The following NBPF9 variants were observed in gnomAD, a reference collection of about 807,000 sequenced individuals.
NBPF9 encodes NBPF family member NBPF9.
Under a neutral mutation model 97.8 loss-of-function variants are expected in NBPF9, and 91 were observed. That is an observed-to-expected ratio of 0.93 (90% confidence interval 0.79 to 1.11). The LOEUF (loss-of-function observed/expected upper bound fraction) is 1.11, where lower values mean the gene tolerates loss of function less well. Among genes scored for constraint, NBPF9 ranks in the 50% least tolerant of loss-of-function variants. The pLI is 0.00. For synonymous variants in NBPF9, 334 were observed against 359.5 expected (o/e 0.93, Z 0.80); for missense variants, 992 against 939.5 (o/e 1.06, Z -0.73).
At chr1:149,079,119 G>A (rs782297074) in exon 9 of NBPF9, 1 of 1,265,986 alleles carries the variant, frequency 7.9e-7, no homozygotes, top group Admixed American at 1.7e-5. Flanking sequence ...GGAGGGCCTG[G>A]AGATGCTCAT....
At chr1:149,076,006 A>C in intron 11 of NBPF9, 142 bp from the exon 12 acceptor site, 2 of 740,012 alleles carry the variant, frequency 2.7e-6, no homozygotes, top group Non-Finnish European at 4.8e-6. Context: ...TGTCATCTCC[A>C]GTCTTGATCT....
chr1:149,074,348 T>A (rs587685372), intron 12 of NBPF9, among the ~76,000 whole-genome samples: 20 of 151,626 alleles, frequency 1.3e-4, no homozygotes, highest in Admixed American at 1.1e-3. Flanking sequence ...TTAAATCATA[T>A]CTTCAGTTAT....
rs2078468715 is a variant in NBPF9 at position 149,059,584 on chromosome 1, G to A, written c.2585+116C>T. ...GCAATGAAAACCAACAGCAATGACAGTAGGAGTAATTCAGCCTTCGTTGAA... is the reference window on the plus strand; with the variant it reads ...GCAATGAAAACCAACAGCAATGACAATAGGAGTAATTCAGCCTTCGTTGAA... On this transcript the variant is annotated intron_variant, in intron 25 of 29. Coordinates refer to ENST00000584027, the Ensembl canonical transcript of NBPF9. The A allele has an allele frequency of 1.0e-5, 5 of 495,400 alleles. 2 individuals carry two copies. The highest frequency in any genetic ancestry group is 6.9e-5 in the South Asian group (3 of 43,272). The allele number at this position is 495,400 out of a possible 1,614,324, so 30.7% of individuals were successfully genotyped here. A position where few individuals can be genotyped will look rare whatever the true frequency, so the allele number is the denominator to read the frequency against.
chr1:149,101,383 G>A lies in NBPF9; in HGVS notation c.-723-4C>T, dbSNP rs1203116322. ...AGCCTGGGCAACAGAGTGAGATCTT[G>A]TCTCAAAAAGAAAAAAAAAAGTTAG... On this transcript the variant is annotated splice_polypyrimidine_tract_variant and splice_region_variant and intron_variant, in intron 2 of 29. Coordinates refer to ENST00000584027, the Ensembl canonical transcript of NBPF9. 7.0e-6 allele frequency: 1 copy of A among 142,338 alleles called. No individual in the cohort carries two copies. Among genetic ancestry groups the A allele is most frequent in the Non-Finnish European group, 1.5e-5 (1 of 65,708 alleles). The allele number at this position is 142,338 out of a possible 1,614,324, so 8.8% of individuals were successfully genotyped here. A position where few individuals can be genotyped will look rare whatever the true frequency, so the allele number is the denominator to read the frequency against.
At chr1:149,055,306 G>C (rs1490881866) in exon 30 of NBPF9, 1 of 437,022 alleles carries the variant, frequency 2.3e-6, no homozygotes, top group Non-Finnish European at 4.1e-6. Flanking sequence ...TAAACACAAA[G>C]ATGACAATGA....
intron 3 of NBPF9, among the ~76,000 whole-genome samples, chr1:149,101,035 G>C (rs1215466609): frequency 6.6e-6 from 1 of 150,946 alleles, no homozygotes; most frequent in Non-Finnish European, 1.5e-5. Flanking sequence ...TTCTTAAACA[G>C]GACACAAAAA....
intron 23 of NBPF9, chr1:149,061,088 G>T: frequency 2.4e-6 from 1 of 421,394 alleles, no homozygotes; most frequent in Non-Finnish European, 4.4e-6. Flanking sequence ...AAATTTCCAT[G>T]CAGTCGCCAT....
At chr1:149,058,281 G>C (rs1327530970) in intron 26 of NBPF9, 66 bp from the exon 27 acceptor site, 1 of 337,738 alleles carries the variant, frequency 3.0e-6, no homozygotes, top group South Asian at 2.3e-5. Context: ...ACAGTCCACT[G>C]TCTAATCCCC....
rs1281221493 is a variant in NBPF9, at chr1:149,084,225, A to C, written c.-194-1795T>G. ...AAATGACGAGTTAATGGGTGCAGCA[A>C]ACCAACATGGCACACGTATATATAT... On this transcript the variant is annotated intron_variant, in intron 5 of 29. Transcript: ENST00000584027. 1.8e-3 allele frequency among the ~76,000 whole-genome samples: 264 copies of C among 145,516 alleles called. 2 individuals carry two copies. The highest frequency in any genetic ancestry group is 6.3e-3 in the African/African-American group (252 of 39,690).
intron 5 of NBPF9, among the ~76,000 whole-genome samples, chr1:149,087,047 C>T (rs1261168532): frequency 2.0e-5 from 3 of 151,916 alleles, no homozygotes; most frequent in African/African-American, 7.3e-5. Context: ...CTATTTTCAG[C>T]CTTTTTAATT....
At chr1:149,073,014 C>G (rs1400904918) in intron 13 of NBPF9, 82 bp from the exon 14 acceptor site, 13 of 1,502,606 alleles carry the variant, frequency 8.7e-6, no homozygotes, top group South Asian at 6.7e-5. Context: ...ATTTCTGAAA[C>G]AGTGTCCTCA....
chr1:149,072,891 G>C, exon 14 of NBPF9: 2 of 1,607,034 alleles, frequency 1.2e-6, no homozygotes, highest in Non-Finnish European at 1.7e-6. Context: ...CCTTAACTGG[G>C]TCAGCTCTCG....
intron 5 of NBPF9, among the ~76,000 whole-genome samples, chr1:149,085,400 G>C (rs1490094689): frequency 1.3e-5 from 2 of 152,100 alleles, no homozygotes; most frequent in Non-Finnish European, 2.9e-5. Context: ...AGCAGAGTAA[G>C]TCCTCCAACT....
chr1:149,085,391 G>T (rs2938639), intron 5 of NBPF9, among the ~76,000 whole-genome samples: 1 of 152,088 alleles, frequency 6.6e-6, no homozygotes, highest in African/African-American at 2.4e-5. Flanking sequence ...TTGAAATCTA[G>T]CAGAGTAAGT....
At chr1:149,081,458 A>G (rs2080433391) in intron 7 of NBPF9, among the ~76,000 whole-genome samples, 1 of 150,336 alleles carries the variant, frequency 6.7e-6, no homozygotes, top group African/African-American at 2.4e-5. Context: ...TAGGTAGCAC[A>G]GGTTCTATTA....
chr1:149,062,322 C>A lies in NBPF9; in HGVS notation c.2079-57G>T, dbSNP rs587671778. ...CAGGGGGAATCAGAAACCACACAGCCCCAGCTAGATTTCATGGCTAACATA... is the reference window on the plus strand; with the variant it reads ...CAGGGGGAATCAGAAACCACACAGCACCAGCTAGATTTCATGGCTAACATA... On this transcript the variant is annotated intron_variant, in intron 21 of 29. Transcript: ENST00000584027. 10 of 620,358 alleles carry A rather than the reference C, an allele frequency of 1.6e-5. No homozygotes were observed. The East Asian group carries it at 2.7e-4, about 17-fold the overall frequency. 38.4% of individuals were successfully genotyped at this position (620,358 alleles called of 1,614,324 possible).
chr1:149,086,989 CCTA>C (rs2081055855), intron 5 of NBPF9, among the ~76,000 whole-genome samples: 1 of 152,022 alleles, frequency 6.6e-6, no homozygotes. Flanking sequence ...ATTTTTCATT[CCTA>C]CAAGTATAAG....
At chr1:149,076,311 C>T (rs2079863939) in intron 11 of NBPF9, among the ~76,000 whole-genome samples, 1 of 150,950 alleles carries the variant, frequency 6.6e-6, no homozygotes, top group African/African-American at 2.4e-5. Context: ...GATTCTCATC[C>T]CTCAGCCGGC....
downstream of NBPF9, chr1:149,053,880 GCACACACAGACACA>G (rs2152856279): frequency 6.9e-6 from 1 of 144,734 alleles, no homozygotes; most frequent in South Asian, 2.3e-4. Context: ...AATGCCAAAG[GCACACACAGACACA>G]CACACAGACA....
Sources: allele counts gnomAD v4.1 joint callset (sites outside exome capture counted in the v4.1 genomes callset), GRCh38; gene constraint gnomAD v4.1.1; transcripts MANE v1.5; gene names NCBI Gene and HGNC (gene_info 2026-07-23, HGNC 2026-07-21).